MAD1L1: variants seen among roughly 807,000 people sequenced by gnomAD.
MAD1L1 encodes mitotic arrest deficient 1 like 1, also known as mitotic spindle assembly checkpoint protein MAD1.
In MAD1L1, 95 loss-of-function variants were observed where a neutral mutation model predicts 96.9. The observed-to-expected ratio is 0.98, with a 90% confidence interval of 0.83 to 1.16. The LOEUF (loss-of-function observed/expected upper bound fraction) is 1.16. Ranked by LOEUF, MAD1L1 falls within the 50% of genes most tolerant of loss-of-function variation. The pLI, the probability that MAD1L1 is intolerant of heterozygous loss-of-function variation, is 0.00. For synonymous variants in MAD1L1, 473 were observed against 396.6 expected (o/e 1.19, Z -2.29); for missense variants, 1,007 against 954.4 (o/e 1.06, Z -0.73).
At chr7:2,201,082 C>G (rs927000492) in intron 10 of MAD1L1, among the ~76,000 whole-genome samples, 2 of 152,146 alleles carry the variant, frequency 1.3e-5, no homozygotes, top group Non-Finnish European at 2.9e-5. Context: ...CCCAGGTGAT[C>G]CTGTAGAGGT....
intron 11 of MAD1L1, among the ~76,000 whole-genome samples, chr7:2,106,868 C>T (rs887698314): frequency 6.6e-6 from 1 of 152,218 alleles, no homozygotes; most frequent in Non-Finnish European, 1.5e-5. Flanking sequence ...TGATGGAGAC[C>T]CTCCTGGCCC....
At chr7:1,870,546 A>G (rs1345620495) in intron 18 of MAD1L1, among the ~76,000 whole-genome samples, 21 of 92,610 alleles carry the variant, frequency 2.3e-4, no homozygotes, top group South Asian at 4.2e-4. Flanking sequence ...TGAACCGACC[A>G]TAACACCTGC....
intron 12 of MAD1L1, among the ~76,000 whole-genome samples, chr7:2,019,520 G>GC (rs1782687546): frequency 6.6e-6 from 1 of 152,236 alleles, no homozygotes; most frequent in Admixed American, 6.5e-5. Context: ...GGGCACGAAT[G>GC]CCCCAAAGAG....
intron 12 of MAD1L1, among the ~76,000 whole-genome samples, chr7:2,014,896 C>T (rs1293251848): frequency 6.6e-6 from 1 of 152,258 alleles, no homozygotes; most frequent in Non-Finnish European, 1.5e-5. Context: ...CAGGCCTTCA[C>T]TACAGCGGGT....
At chr7:2,130,451 ACT>A (rs902495373) in intron 11 of MAD1L1, among the ~76,000 whole-genome samples, 6 of 152,154 alleles carry the variant, frequency 3.9e-5, no homozygotes, top group African/African-American at 1.4e-4. Flanking sequence ...CCAGAGCTTA[ACT>A]CTCTACGTCG....
chr7:2,095,026 A>AATAT (rs57612463), intron 11 of MAD1L1, among the ~76,000 whole-genome samples: 86 of 150,656 alleles, frequency 5.7e-4, no homozygotes, highest in East Asian at 4.3e-3. Context: ...TTAAATAGTA[A>AATAT]ATATATATAT....
chr7:1,998,675 C>T (rs796433751), intron 14 of MAD1L1, among the ~76,000 whole-genome samples: 6 of 152,248 alleles, frequency 3.9e-5, no homozygotes, highest in East Asian at 1.9e-4. Flanking sequence ...AAGGAAGCAC[C>T]GACAGCCCTC....
chr7:1,827,228 T>C (rs1782441124), intron 18 of MAD1L1, among the ~76,000 whole-genome samples: 2 of 152,078 alleles, frequency 1.3e-5, no homozygotes, highest in African/African-American at 4.8e-5. Context: ...GGGCTGAGTG[T>C]GGGTTAAAAG....
intron 18 of MAD1L1, among the ~76,000 whole-genome samples, chr7:1,825,784 T>G (rs554492664): frequency 2.0e-4 from 30 of 152,126 alleles, no homozygotes; most frequent in Non-Finnish European, 3.2e-4. Context: ...TAAACCTGGG[T>G]AATGTGTGCT....
intron 13 of MAD1L1, among the ~76,000 whole-genome samples, chr7:2,009,074 C>A (rs796142858): frequency 2.6e-5 from 4 of 152,344 alleles, no homozygotes; most frequent in African/African-American, 9.6e-5. Flanking sequence ...TGCCTCCACC[C>A]AAGCAGCTGA....
At chr7:1,820,888 T>C (rs899239358) in intron 18 of MAD1L1, among the ~76,000 whole-genome samples, 4 of 152,062 alleles carry the variant, frequency 2.6e-5, no homozygotes, top group Admixed American at 6.6e-5. Context: ...AAGACCATCC[T>C]GGCTAACACA....
At chr7:1,992,635 T>G (rs1348726843) in intron 14 of MAD1L1, among the ~76,000 whole-genome samples, 2 of 152,164 alleles carry the variant, frequency 1.3e-5, no homozygotes, top group Non-Finnish European at 2.9e-5. Flanking sequence ...TGAGGCCACC[T>G]CCTGTCCCTG....
chr7:2,209,042 C>T (rs1792748147), intron 10 of MAD1L1, among the ~76,000 whole-genome samples: 1 of 152,200 alleles, frequency 6.6e-6, no homozygotes, highest in Non-Finnish European at 1.5e-5. Context: ...CAGGCTCATC[C>T]ACACGCACTG....
chr7:2,069,959 C>G (rs1245528281), intron 11 of MAD1L1, among the ~76,000 whole-genome samples: 1 of 152,252 alleles, frequency 6.6e-6, no homozygotes, highest in Admixed American at 6.5e-5. Flanking sequence ...AGTCCCTGTG[C>G]TCGTTGCCTG....
At chr7:1,888,356 G>C (rs1048369021) in intron 18 of MAD1L1, among the ~76,000 whole-genome samples, 2 of 141,796 alleles carry the variant, frequency 1.4e-5, no homozygotes, top group African/African-American at 2.5e-5. Context: ...GCATGTGTGT[G>C]CATGCATGCG....
chr7:2,059,287 A>C (rs923724446), intron 12 of MAD1L1, among the ~76,000 whole-genome samples: 3 of 115,316 alleles, frequency 2.6e-5, no homozygotes, highest in Non-Finnish European at 5.2e-5. Flanking sequence ...AGGGCTGGAG[A>C]GGGAGTGTGG....
At chr7:2,193,543 G>T (rs1445613894) in intron 10 of MAD1L1, 1 of 152,238 alleles carries the variant, frequency 6.6e-6, no homozygotes, top group East Asian at 1.9e-4. Flanking sequence ...GAACAGACGT[G>T]ATCACAATAT....
At chr7:2,115,084 G>A (rs913034980) in intron 11 of MAD1L1, among the ~76,000 whole-genome samples, 5 of 152,148 alleles carry the variant, frequency 3.3e-5, no homozygotes, top group South Asian at 4.1e-4. Flanking sequence ...TCCCCGCCCC[G>A]CGACCCAAGG....
intron 17 of MAD1L1, among the ~76,000 whole-genome samples, chr7:1,929,563 G>C (rs554758119): frequency 6.6e-6 from 1 of 152,230 alleles, no homozygotes; most frequent in Admixed American, 6.5e-5. Context: ...CTTCCGAGCA[G>C]GGACTCAGAT....
Sources: gnomAD v4.1 joint callset for allele counts (sites outside exome capture counted in the v4.1 genomes callset) on GRCh38, gnomAD v4.1.1 for gene constraint, MANE v1.5 for transcripts, NCBI Gene and HGNC (gene_info 2026-07-23, HGNC 2026-07-21) for gene names.